The following CACNB2 variants were observed in gnomAD, a reference collection of about 807,000 sequenced individuals.
CACNB2 encodes voltage-dependent L-type calcium channel subunit beta-2.
A neutral mutation model predicts 73.3 loss-of-function variants in CACNB2; 42 were observed. That is an observed-to-expected ratio of 0.57 (90% CI 0.45 to 0.74). CACNB2 has a LOEUF of 0.74. Among genes scored for constraint, CACNB2 ranks in the 30% least tolerant of loss-of-function variants. The pLI is 0.00. For missense variants in CACNB2, 940 were observed against 853.0 expected, an observed-to-expected ratio of 1.10 and a Z score of -1.27; for synonymous variants, 348 against 310.3, an observed-to-expected ratio of 1.12 and a Z score of -1.28.
chr10:18,381,543 C>G (rs2043017304), intron 2 of CACNB2, among the ~76,000 whole-genome samples: 1 of 151,896 alleles, frequency 6.6e-6, no homozygotes, highest in Non-Finnish European at 1.5e-5. Flanking sequence ...CAAAAATTAG[C>G]TGGGCGTGAT....
At position 18,140,519 on chromosome 10, in the gene CACNB2, C is replaced by A. The variant is rs945669358; in HGVS notation, c.-218C>A. ...GCGCCCCCGCGTCCCGCCTCCCGAG[C>A]GGCTCGCTTCGCCCGATGCCCCGGC... On this transcript the variant is annotated 5_prime_UTR_variant, in exon 1 of 14. Transcript: ENST00000324631. Among the ~76,000 whole-genome samples the A allele has an allele frequency of 2.0e-5, 3 of 151,658 alleles. No homozygotes were observed. The highest frequency in any genetic ancestry group is 4.4e-5 in the Non-Finnish European group (3 of 67,884).
At position 18,293,690 on chromosome 10, in the gene CACNB2, C is replaced by T. The variant is rs576564736; in HGVS notation, c.214-108234C>T. ...TCATTTCCTCAGGTTAAAAATTCCCCGGTGTATCCCACACTATTACAAAAT... is the reference window on the plus strand; with the variant it reads ...TCATTTCCTCAGGTTAAAAATTCCCTGGTGTATCCCACACTATTACAAAAT... On this transcript the variant is annotated intron_variant, in intron 2 of 13. Transcript: ENST00000324631. Among the ~76,000 whole-genome samples the T allele has an allele frequency of 9.9e-5, 15 of 152,256 alleles. No homozygotes were observed. The South Asian group carries it at 1.0e-3, about 11-fold the overall frequency.
At chr10:18,351,882 G>A (rs2041720162) in intron 2 of CACNB2, among the ~76,000 whole-genome samples, 1 of 152,178 alleles carries the variant, frequency 6.6e-6, no homozygotes, top group Non-Finnish European at 1.5e-5. Flanking sequence ...CAAAATGGGT[G>A]ACAGTTTTTG....
At chr10:18,218,046 A>G (rs972996617) in intron 2 of CACNB2, among the ~76,000 whole-genome samples, 1 of 152,164 alleles carries the variant, frequency 6.6e-6, no homozygotes, top group Admixed American at 6.5e-5. Flanking sequence ...ATTTTGCAGG[A>G]CATTCTAAAG....
intron 2 of CACNB2, among the ~76,000 whole-genome samples, chr10:18,239,319 C>T (rs1420824434): frequency 6.6e-6 from 1 of 152,120 alleles, no homozygotes; most frequent in African/African-American, 2.4e-5. Context: ...TCCCTCCCAC[C>T]TTTCCGAGTC....
intron 2 of CACNB2, among the ~76,000 whole-genome samples, chr10:18,209,518 A>G (rs1271374103): frequency 1.3e-5 from 2 of 152,186 alleles, no homozygotes; most frequent in Admixed American, 6.5e-5. Flanking sequence ...AATAATTCTG[A>G]GCTGTATTAC....
Position 18,534,998 on chromosome 10 carries a change from T to C in CACNB2, c.1206+771T>C, listed in dbSNP as rs1589747027. Among the ~76,000 whole-genome samples, 7 of 152,314 alleles carry C rather than the reference T, an allele frequency of 4.6e-5. 1 individual carries two copies. The highest frequency in any genetic ancestry group is 4.6e-4 in the Admixed American group (7 of 15,296). ...GACAACAATCAGAATTTTAGAAAAC[T>C]TGTATGCATCTCTGAGAACTTGCAA... On this transcript the variant is annotated intron_variant, in intron 11 of 13. Coordinates refer to ENST00000324631, the MANE Select transcript of CACNB2 (RefSeq NM_201596.3).
At chr10:18,185,966 G>A (rs1263992266) in intron 2 of CACNB2, among the ~76,000 whole-genome samples, 2 of 152,090 alleles carry the variant, frequency 1.3e-5, no homozygotes, top group Admixed American at 6.5e-5. Flanking sequence ...ATAAAGAATG[G>A]CTGGTGGGAG....
intron 2 of CACNB2, among the ~76,000 whole-genome samples, chr10:18,156,872 T>TACA (rs1404672504): frequency 1.7e-5 from 2 of 119,334 alleles, no homozygotes; most frequent in African/African-American, 6.8e-5. Context: ...CTACTAAAAG[T>TACA]AGAAAAAAAA....
At chr10:18,295,998 GTTTTT>G (rs34043231) in intron 2 of CACNB2, among the ~76,000 whole-genome samples, 5,294 of 60,802 alleles carry the variant, frequency 0.087, 179 homozygotes, top group Non-Finnish European at 0.12. Context: ...CTTTTTGCGT[GTTTTT>G]TTTTTTTTTT....
chr10:18,448,479 T>TAAAAAAAAAAAAA (rs56255761), intron 3 of CACNB2, among the ~76,000 whole-genome samples: 6 of 107,058 alleles, frequency 5.6e-5, no homozygotes, highest in Admixed American at 3.1e-4. Context: ...CTCTCTCATT[T>TAAAAAAAAAAAAA]AAAAAAAAAA....
intron 3 of CACNB2, among the ~76,000 whole-genome samples, chr10:18,409,287 A>G (rs1378356864): frequency 7.0e-6 from 1 of 143,724 alleles, no homozygotes; most frequent in African/African-American, 2.6e-5. Context: ...AACAAGAGGG[A>G]AACTCTGTCT....
chr10:18,327,437 T>A (rs1288905388), intron 2 of CACNB2, among the ~76,000 whole-genome samples: 1 of 152,194 alleles, frequency 6.6e-6, no homozygotes, highest in Non-Finnish European at 1.5e-5. Flanking sequence ...TGTTTTTATT[T>A]GTTTTGAGAC....
At chr10:18,348,111 G>A (rs1213136478) in intron 2 of CACNB2, among the ~76,000 whole-genome samples, 1 of 152,210 alleles carries the variant, frequency 6.6e-6, no homozygotes, top group Non-Finnish European at 1.5e-5. Flanking sequence ...CTATCTAGGT[G>A]AAGTTAAATG....
intron 2 of CACNB2, among the ~76,000 whole-genome samples, chr10:18,264,834 T>C (rs1479155591): frequency 6.6e-6 from 1 of 152,184 alleles, no homozygotes; most frequent in Non-Finnish European, 1.5e-5. Flanking sequence ...TTATAAACAG[T>C]TGGGACATGC....
intron 2 of CACNB2, among the ~76,000 whole-genome samples, chr10:18,390,305 C>T (rs766210862): frequency 6.6e-6 from 1 of 152,210 alleles, no homozygotes; most frequent in South Asian, 2.1e-4. Context: ...CTCCACCTCC[C>T]GAGTTCAAGT....
At position 18,266,054 on chromosome 10, in the gene CACNB2, G is replaced by A. The variant is rs115604991; in HGVS notation, c.213+115079G>A. Among the ~76,000 whole-genome samples the A allele has an allele frequency of 5.1e-4, 77 of 152,310 alleles. 1 individual carries two copies. The highest frequency in any genetic ancestry group is 1.9e-3 in the African/African-American group (77 of 41,562). ...AATGTCACCAAATGATATTGCATTT[G>A]TATATATACCGTAACTTAAGCAATT... On this transcript the variant is annotated intron_variant, in intron 2 of 13. Transcript: ENST00000324631.
intron 2 of CACNB2, among the ~76,000 whole-genome samples, chr10:18,223,082 G>T (rs1336266864): frequency 6.6e-6 from 1 of 152,118 alleles, no homozygotes; most frequent in East Asian, 1.9e-4. Context: ...CTGGTTTGCT[G>T]TCAGTCATGG....
intron 2 of CACNB2, among the ~76,000 whole-genome samples, chr10:18,372,108 T>G (rs1413541194): frequency 6.6e-6 from 1 of 152,210 alleles, no homozygotes; most frequent in Non-Finnish European, 1.5e-5. Flanking sequence ...TATTAGACCT[T>G]TGTCAGATGA....
Sources: allele counts gnomAD v4.1 joint callset (sites outside exome capture counted in the v4.1 genomes callset), GRCh38; gene constraint gnomAD v4.1.1; transcripts MANE v1.5; gene names NCBI Gene and HGNC (gene_info 2026-07-23, HGNC 2026-07-21).